The following SEC24B variants were observed in gnomAD, a reference collection of about 807,000 sequenced individuals.
SEC24B encodes the protein SEC24 homolog B, COPII component.
In SEC24B, 45 loss-of-function variants were observed where a neutral mutation model predicts 142.8. The ratio of observed to expected loss-of-function variants is 0.32; its 90% CI spans 0.25 to 0.40. The LOEUF (loss-of-function observed/expected upper bound fraction) is 0.40. Among genes scored for constraint, SEC24B ranks in the 10% least tolerant of loss-of-function variants. SEC24B has a pLI of 1.00. For synonymous variants in SEC24B, 574 were observed against 568.2 expected, an observed-to-expected ratio of 1.01 and a Z score of -0.15; for missense variants, 1,409 against 1,526.8, an observed-to-expected ratio of 0.92 and a Z score of 1.29.
At chr4:109,482,979 T>TATATATATATATATACACACAC (rs781527364) in intron 4 of SEC24B, among the ~76,000 whole-genome samples, 1 of 26,412 alleles carries the variant, frequency 3.8e-5, no homozygotes, top group Non-Finnish European at 7.5e-5. Flanking sequence ...TATATATATA[T>TATATATATATATATACACACAC]ACACACACAC....
At chr4:109,434,330 G>A (rs531190289) in intron 1 of SEC24B, among the ~76,000 whole-genome samples, 2 of 152,244 alleles carry the variant, frequency 1.3e-5, no homozygotes, top group Admixed American at 6.5e-5. Context: ...TGAAAAGCTG[G>A]GAGCCCACGT....
chr4:109,518,397 G>A (rs955151170), intron 11 of SEC24B, among the ~76,000 whole-genome samples: 2 of 152,130 alleles, frequency 1.3e-5, no homozygotes, highest in Non-Finnish European at 2.9e-5. Context: ...CTACTGCAGT[G>A]GTTCTCAACA....
chr4:109,452,780 A>G (rs1160041578), intron 1 of SEC24B, among the ~76,000 whole-genome samples: 1 of 152,084 alleles, frequency 6.6e-6, no homozygotes, highest in Non-Finnish European at 1.5e-5. Context: ...TGTATTCTGG[A>G]TACAAGTTTT....
chr4:109,492,906 G>T (rs530855671), intron 5 of SEC24B, among the ~76,000 whole-genome samples: 37 of 146,920 alleles, frequency 2.5e-4, no homozygotes, highest in Middle Eastern at 6.9e-3. Context: ...TTTTCATAAA[G>T]ATGGGGTCTC....
chr4:109,523,125 C>T (rs1476693824), intron 14 of SEC24B, among the ~76,000 whole-genome samples: 1 of 151,996 alleles, frequency 6.6e-6, no homozygotes, highest in Non-Finnish European at 1.5e-5. Context: ...ATCATTTGAG[C>T]TTAGGAGTTC....
At chr4:109,526,988 G>A (rs1724307134) in intron 17 of SEC24B, among the ~76,000 whole-genome samples, 1 of 152,150 alleles carries the variant, frequency 6.6e-6, no homozygotes, top group African/African-American at 2.4e-5. Context: ...GGAGGCCGAG[G>A]TGGGTGGATC....
intron 2 of SEC24B, among the ~76,000 whole-genome samples, chr4:109,467,275 G>A (rs1434986344): frequency 1.4e-5 from 2 of 145,386 alleles, no homozygotes; most frequent in Non-Finnish European, 3.0e-5. Context: ...GCAGTGAGCC[G>A]AGATCGCGCC....
chr4:109,443,327 C>T (rs1056307492), intron 1 of SEC24B, among the ~76,000 whole-genome samples: 11 of 152,228 alleles, frequency 7.2e-5, no homozygotes, highest in Admixed American at 2.6e-4. Flanking sequence ...TTTGTCCCTC[C>T]GATTATCTCA....
intron 6 of SEC24B, among the ~76,000 whole-genome samples, chr4:109,505,222 A>C (rs539761224): frequency 4.7e-4 from 71 of 152,228 alleles, no homozygotes; most frequent in African/African-American, 1.7e-3. Context: ...ATGAAAAACA[A>C]AATAAAATTA....
At chr4:109,533,812 C>T in intron 22 of SEC24B, 127 bp downstream of exon 22, 2 of 672,366 alleles carry the variant, frequency 3.0e-6, no homozygotes, top group South Asian at 3.5e-5. Flanking sequence ...CAGTGTTTTA[C>T]AGCCATTACC....
chr4:109,476,585 A>G (rs957973207), intron 3 of SEC24B, among the ~76,000 whole-genome samples: 1 of 152,244 alleles, frequency 6.6e-6, no homozygotes, highest in Non-Finnish European at 1.5e-5. Flanking sequence ...AAGCAGTATC[A>G]TTCTGTTTTG....
chr4:109,516,659 C>T lies in SEC24B; in HGVS notation c.2126+19C>T. On this transcript the variant is annotated intron_variant, in intron 11 of 23. Coordinates refer to ENST00000265175, the MANE Select transcript of SEC24B (RefSeq NM_006323.5). ...TAGACAAGTAAGAATATTTTTAATT[C>T]ATACTATACATATGTGTATGTTATA... 1 of 1,275,268 alleles carries T rather than the reference C, an allele frequency of 7.8e-7. No homozygotes were observed. The highest frequency in any genetic ancestry group is 1.1e-6 in the Non-Finnish European group (1 of 884,218). The allele number at this position is 1,275,268 out of a possible 1,614,324, so 79.0% of individuals were successfully genotyped here.
At chr4:109,454,989 A>G (rs1022025377) in intron 1 of SEC24B, among the ~76,000 whole-genome samples, 18 of 152,196 alleles carry the variant, frequency 1.2e-4, no homozygotes, top group Non-Finnish European at 4.4e-5. Flanking sequence ...ATCCAATTAT[A>G]CTTCTGCATG....
At chr4:109,444,270 A>G (rs17040436) in intron 1 of SEC24B, among the ~76,000 whole-genome samples, 28,487 of 151,438 alleles carry the variant, frequency 0.19, 3,124 homozygotes, top group African/African-American at 0.3. Flanking sequence ...TGCTAATGGA[A>G]GTTCCTAGAA....
chr4:109,462,839 G>C, intron 1 of SEC24B, 62 bp from the exon 2 acceptor site: 1 of 1,251,642 alleles, frequency 8.0e-7, no homozygotes, highest in Non-Finnish European at 1.1e-6. Flanking sequence ...ATATTTAAAT[G>C]GGGGCTATTT....
chr4:109,523,193 G>T (rs1254003009), intron 14 of SEC24B, among the ~76,000 whole-genome samples: 3 of 152,096 alleles, frequency 2.0e-5, no homozygotes, highest in African/African-American at 7.2e-5. Flanking sequence ...ATAATGGCCG[G>T]GTGCAGTGGC....
At chr4:109,494,030 A>G (rs1476531893) in intron 5 of SEC24B, among the ~76,000 whole-genome samples, 1 of 152,254 alleles carries the variant, frequency 6.6e-6, no homozygotes, top group East Asian at 1.9e-4. Flanking sequence ...AAAGCAAATT[A>G]GAGAAAAGAG....
At chr4:109,507,992 C>T (rs1338359802) in intron 7 of SEC24B, among the ~76,000 whole-genome samples, 1 of 152,102 alleles carries the variant, frequency 6.6e-6, no homozygotes, top group African/African-American at 2.4e-5. Context: ...AAAAAAAAAG[C>T]GGCAAACCAC....
intron 6 of SEC24B, among the ~76,000 whole-genome samples, chr4:109,499,269 G>C (rs1735859080): frequency 6.6e-6 from 1 of 152,118 alleles, no homozygotes; most frequent in Non-Finnish European, 1.5e-5. Context: ...AACAGTATAA[G>C]AAGAAACCTT....
Sources: allele counts gnomAD v4.1 joint callset (sites outside exome capture counted in the v4.1 genomes callset), GRCh38; gene constraint gnomAD v4.1.1; transcripts MANE v1.5; gene names NCBI Gene and HGNC (gene_info 2026-07-23, HGNC 2026-07-21).